The following TBC1D22A variants were observed in gnomAD, a reference collection of about 807,000 sequenced individuals.
TBC1D22A encodes TBC1 domain family member 22A, also known as putative GTPase activator.
TBC1D22A carries 38 observed loss-of-function variants against 60.2 expected under a neutral mutation model. The observed-to-expected ratio is 0.63, with a 90% CI of 0.49 to 0.83. The LOEUF (loss-of-function observed/expected upper bound fraction) is 0.83. TBC1D22A is among the 40% of genes least tolerant of loss of function. TBC1D22A has a pLI of 0.00. For synonymous variants in TBC1D22A, 302 were observed against 281.7 expected, an observed-to-expected ratio of 1.07 and a Z score of -0.72; for missense variants, 628 against 701.0, an observed-to-expected ratio of 0.90 and a Z score of 1.18.
intron 12 of TBC1D22A, among the ~76,000 whole-genome samples, chr22:47,130,490 G>C (rs1268329104): frequency 6.6e-6 from 1 of 152,230 alleles, no homozygotes; most frequent in Non-Finnish European, 1.5e-5. Flanking sequence ...CTCTCTGGAT[G>C]GAGGGTGGAG....
At position 47,058,725 on chromosome 22, in the gene TBC1D22A, G is replaced by A. The variant is rs571546334; in HGVS notation, c.1329+21527G>A. Among the ~76,000 whole-genome samples, 81 of 152,236 alleles carry A rather than the reference G, an allele frequency of 5.3e-4. 1 individual carries two copies. Among genetic ancestry groups the A allele is most frequent in the Non-Finnish European group, 1.0e-3 (69 of 68,010 alleles). On this transcript the variant is annotated intron_variant, in intron 11 of 12. Coordinates refer to ENST00000337137, the MANE Select transcript of TBC1D22A (RefSeq NM_014346.5). ...ACAGTGGCTCTGCCCCACCAGGCTC[G>A]CTGAGGCCCAGGCCTTGGTGGGGTT... is the stretch of plus-strand genomic sequence containing the variant.
chr22:47,118,421 TCA>T (rs2066147649), intron 12 of TBC1D22A, among the ~76,000 whole-genome samples: 1 of 152,142 alleles, frequency 6.6e-6, no homozygotes. Flanking sequence ...ATAATGTGGG[TCA>T]CAGTGGAAAT....
At chr22:46,827,587 C>T (rs559903530) in intron 4 of TBC1D22A, among the ~76,000 whole-genome samples, 7 of 152,328 alleles carry the variant, frequency 4.6e-5, no homozygotes, top group Non-Finnish European at 8.8e-5. Flanking sequence ...GCCAGCAGAA[C>T]GTCTGATCAG....
intron 7 of TBC1D22A, among the ~76,000 whole-genome samples, chr22:46,903,339 C>CGGGGAAGCTGTGGACCAGGCATG (rs2069149957): frequency 6.6e-6 from 1 of 152,160 alleles, no homozygotes; most frequent in Non-Finnish European, 1.5e-5. Flanking sequence ...CGTCTGTACT[C>CGGGGAAGCTGTGGACCAGGCATG]GGGGAAGCTG....
chr22:47,169,513 G>C (rs1418243268), intron 12 of TBC1D22A, among the ~76,000 whole-genome samples: 1 of 152,158 alleles, frequency 6.6e-6, no homozygotes, highest in Non-Finnish European at 1.5e-5. Context: ...TCAACCTCCA[G>C]GCCATGCAGC....
chr22:46,818,924 A>G (rs1313749582), intron 4 of TBC1D22A, among the ~76,000 whole-genome samples: 1 of 152,080 alleles, frequency 6.6e-6, no homozygotes, highest in East Asian at 1.9e-4. Flanking sequence ...AGTGGTTTGT[A>G]GTTCTCCTTG....
chr22:47,032,156 C>T (rs1288054211), intron 10 of TBC1D22A, among the ~76,000 whole-genome samples: 2 of 152,206 alleles, frequency 1.3e-5, no homozygotes, highest in African/African-American at 2.4e-5. Flanking sequence ...CGGTGAGCCA[C>T]GGCTCCTCTT....
At chr22:46,846,946 C>T (rs187989586) in intron 4 of TBC1D22A, among the ~76,000 whole-genome samples, 4 of 152,192 alleles carry the variant, frequency 2.6e-5, no homozygotes, top group Admixed American at 6.5e-5. Context: ...TTTCAGAACC[C>T]GGTGCTGGTG....
Position 46,821,893 on chromosome 22 carries a change from C to T in TBC1D22A, c.637+24273C>T, listed in dbSNP as rs578233625. 2.0e-5 allele frequency among the ~76,000 whole-genome samples: 3 copies of T among 152,188 alleles called. No individual in the cohort carries two copies. In the East Asian group the frequency reaches 5.8e-4, roughly 29 times the overall value. ...TACTCCAGGCAATCGTAGGTTCGGT[C>T]ATTTTATGAAGTCTCATATTTCTTG... is the stretch of plus-strand genomic sequence containing the variant. On this transcript the variant is annotated intron_variant, in intron 4 of 12. Coordinates refer to ENST00000337137, the MANE Select transcript of TBC1D22A (RefSeq NM_014346.5).
chr22:47,029,415 G>A (rs1283501996), intron 10 of TBC1D22A, among the ~76,000 whole-genome samples: 1 of 152,174 alleles, frequency 6.6e-6, no homozygotes, highest in Admixed American at 6.5e-5. Flanking sequence ...CTTGGTGACC[G>A]GGGTTTCTAT....
chr22:47,159,730 G>A (rs1427751227), intron 12 of TBC1D22A, among the ~76,000 whole-genome samples: 2 of 150,062 alleles, frequency 1.3e-5, no homozygotes, highest in East Asian at 2.0e-4. Flanking sequence ...CACAAACACT[G>A]CACACCATTC....
rs1413112212 is a variant in TBC1D22A at position 46,882,591 on chromosome 22, C to T, written c.708+3868C>T. Among the ~76,000 whole-genome samples, 5 of 152,152 alleles carry T rather than the reference C, an allele frequency of 3.3e-5. No individual in the cohort carries two copies. The South Asian group carries it at 6.2e-4, about 19-fold the overall frequency. On this transcript the variant is annotated intron_variant, in intron 5 of 12. Coordinates refer to ENST00000337137, the MANE Select transcript of TBC1D22A (RefSeq NM_014346.5). Reference sequence around the variant, plus strand: ...CTGGCCTGGGGCGTTGGAGGGCCTGCGTTGGAGGAGAGAGGCTGAGTGAGA... The same window carrying T: ...CTGGCCTGGGGCGTTGGAGGGCCTGTGTTGGAGGAGAGAGGCTGAGTGAGA...
chr22:46,825,624 C>G (rs2086020731), intron 4 of TBC1D22A, among the ~76,000 whole-genome samples: 1 of 152,106 alleles, frequency 6.6e-6, no homozygotes, highest in African/African-American at 2.4e-5. Flanking sequence ...CAAGCATACA[C>G]CACCATGCCT....
At chr22:46,894,748 A>T (rs1362996408) in intron 6 of TBC1D22A, 36 bp from the exon 7 acceptor site, 2 of 1,612,210 alleles carry the variant, frequency 1.2e-6, no homozygotes, top group East Asian at 4.5e-5. Flanking sequence ...GTTTGTTGTG[A>T]CGTAACATAA....
chr22:47,075,222 CAAAA>C (rs386395628), intron 11 of TBC1D22A, among the ~76,000 whole-genome samples: 1 of 114,100 alleles, frequency 8.8e-6, no homozygotes, highest in Non-Finnish European at 1.7e-5. Context: ...GATTCCGTCT[CAAAA>C]AAAAAAAAAA....
At position 47,005,317 on chromosome 22, in the gene TBC1D22A, A is replaced by G. The variant is rs535889129; in HGVS notation, c.1201+7608A>G. 1.7e-4 allele frequency among the ~76,000 whole-genome samples: 25 copies of G among 151,452 alleles called. No individual in the cohort carries two copies. The East Asian group carries it at 4.9e-3, about 29-fold the overall frequency. The stretch of plus-strand genomic sequence containing the variant: ...TCACTCCTGTATACAGGTACCCCCT[A>G]CACACATGCCTATACACCTACACCC... On this transcript the variant is annotated intron_variant, in intron 10 of 12. Transcript: ENST00000337137.
intron 9 of TBC1D22A, among the ~76,000 whole-genome samples, chr22:46,982,685 G>C (rs1374486074): frequency 6.6e-6 from 1 of 152,218 alleles, no homozygotes; most frequent in Non-Finnish European, 1.5e-5. Flanking sequence ...CGATGTCATT[G>C]GCACTGCCCT....
intron 5 of TBC1D22A, among the ~76,000 whole-genome samples, chr22:46,886,066 C>T (rs2068098557): frequency 6.6e-6 from 1 of 152,032 alleles, no homozygotes; most frequent in Non-Finnish European, 1.5e-5. Flanking sequence ...TGCCACCACG[C>T]CTGGCTAATT....
intron 4 of TBC1D22A, among the ~76,000 whole-genome samples, chr22:46,842,277 A>G (rs116284726): frequency 0.014 from 2,094 of 152,358 alleles, 59 homozygotes; most frequent in African/African-American, 0.047. Context: ...CATTCGGCCA[A>G]AAGCCATATA....
Sources: gnomAD v4.1 joint callset for allele counts (sites outside exome capture counted in the v4.1 genomes callset) on GRCh38, gnomAD v4.1.1 for gene constraint, MANE v1.5 for transcripts, NCBI Gene and HGNC (gene_info 2026-07-23, HGNC 2026-07-21) for gene names.